SLX4IP: variants seen among roughly 807,000 people sequenced by gnomAD.
SLX4IP encodes SLX4 interacting protein.
Under a neutral mutation model 32.9 loss-of-function variants are expected in SLX4IP, and 34 were observed. That is an observed-to-expected ratio of 1.03 (90% confidence interval 0.79 to 1.38). The LOEUF (loss-of-function observed/expected upper bound fraction) is 1.38, where lower values mean the gene tolerates loss of function less well. Among genes scored for constraint, SLX4IP ranks in the 40% most tolerant of loss-of-function variants. The pLI, the probability that SLX4IP is intolerant of heterozygous loss-of-function variation, is 0.00. For synonymous variants in SLX4IP, 172 were observed against 171.7 expected, an observed-to-expected ratio of 1.00 and a Z score of -0.01; for missense variants, 444 against 479.0, an observed-to-expected ratio of 0.93 and a Z score of 0.68.
At chr20:10,509,813 C>G (rs2065791092) in intron 2 of SLX4IP, among the ~76,000 whole-genome samples, 1 of 152,054 alleles carries the variant, frequency 6.6e-6, no homozygotes, top group Non-Finnish European at 1.5e-5. Flanking sequence ...TTCGGCTTTC[C>G]CAGTATCTGG....
At chr20:10,613,428 A>T in intron 6 of SLX4IP, 1 of 1,586,578 alleles carries the variant, frequency 6.3e-7, no homozygotes, top group Admixed American at 1.7e-5. Flanking sequence ...TTGAAGAGAA[A>T]AATTCCATTA....
intron 5 of SLX4IP, among the ~76,000 whole-genome samples, chr20:10,599,079 T>C (rs1364966934): frequency 6.6e-6 from 1 of 152,170 alleles, no homozygotes; most frequent in African/African-American, 2.4e-5. Flanking sequence ...ATGGAGCAGG[T>C]GTGTACACAA....
intron 2 of SLX4IP, among the ~76,000 whole-genome samples, chr20:10,463,428 G>C (rs1435927128): frequency 1.3e-5 from 2 of 152,176 alleles, no homozygotes; most frequent in Non-Finnish European, 2.9e-5. Flanking sequence ...ATTGAGAGGA[G>C]GAGGGGAGGA....
chr20:10,491,576 A>G (rs2065624485), intron 2 of SLX4IP, among the ~76,000 whole-genome samples: 1 of 152,184 alleles, frequency 6.6e-6, no homozygotes, highest in African/African-American at 2.4e-5. Context: ...TTTTCCCCAA[A>G]GCATGGTGCA....
chr20:10,521,099 ACT>A (rs1224000512), intron 2 of SLX4IP, among the ~76,000 whole-genome samples: 1 of 152,166 alleles, frequency 6.6e-6, no homozygotes. Flanking sequence ...CAGGCAGTGT[ACT>A]CTGATTACCT....
In SLX4IP at chr20:10,598,717, T is replaced by G. The variant is rs749104603; in HGVS notation, c.281T>G (p.Ile94Arg). ...ACAGCCTATTTCCTCAAGAGAGGGA[T>G]ACGCCTTCGCTGCATCAGGAGCACA... ...QITAYFLKRG[I>R]RLRCIRSTQN... The change falls in exon 5 of 8, where the codon ATA becomes AGA. Residue 94 changes from isoleucine (I) to arginine (R), a missense_variant. Transcript: ENST00000334534. The G allele has an allele frequency of 6.2e-7, 1 of 1,614,074 alleles. No individual in the cohort carries two copies. Among genetic ancestry groups the G allele is most frequent in the Non-Finnish European group, 8.5e-7 (1 of 1,180,016 alleles).
At chr20:10,522,209 G>A (rs577914796) in intron 2 of SLX4IP, among the ~76,000 whole-genome samples, 10 of 152,258 alleles carry the variant, frequency 6.6e-5, no homozygotes, top group South Asian at 4.2e-4. Flanking sequence ...GAAAATGCAC[G>A]TTGTGTTGCA....
intron 4 of SLX4IP, among the ~76,000 whole-genome samples, chr20:10,596,448 C>T (rs994891811): frequency 5.9e-5 from 9 of 151,914 alleles, no homozygotes; most frequent in South Asian, 2.1e-4. Flanking sequence ...AGGCTGGTCT[C>T]GAGCTCCTGG....
At chr20:10,579,381 G>A (rs905536070) in intron 4 of SLX4IP, among the ~76,000 whole-genome samples, 3 of 151,550 alleles carry the variant, frequency 2.0e-5, no homozygotes, top group Non-Finnish European at 3.0e-5. Flanking sequence ...AAATGTGAGT[G>A]TTTATTTCTG....
chr20:10,583,162 A>C (rs1329109937), intron 4 of SLX4IP, among the ~76,000 whole-genome samples: 1 of 152,194 alleles, frequency 6.6e-6, no homozygotes. Flanking sequence ...CTGCTCCCCC[A>C]ACTATTTTAA....
intron 2 of SLX4IP, among the ~76,000 whole-genome samples, chr20:10,543,769 A>T (rs979834747): frequency 6.6e-6 from 1 of 152,222 alleles, no homozygotes; most frequent in Non-Finnish European, 1.5e-5. Flanking sequence ...ACCGTGACAG[A>T]AGCTGTTTTA....
chr20:10,438,153 G>A (rs6074138), intron 1 of SLX4IP, among the ~76,000 whole-genome samples: 96,319 of 151,944 alleles, frequency 0.63, 30,712 homozygotes, highest in Non-Finnish European at 0.66. Flanking sequence ...GTGACTTTTC[G>A]GGATATGAAC....
At chr20:10,601,004 A>C (rs1415048319) in intron 5 of SLX4IP, among the ~76,000 whole-genome samples, 1 of 152,168 alleles carries the variant, frequency 6.6e-6, no homozygotes, top group Non-Finnish European at 1.5e-5. Context: ...AAAAGGAAAG[A>C]TCCAGATGTC....
intron 2 of SLX4IP, among the ~76,000 whole-genome samples, chr20:10,536,462 CAGTCGCCTGTT>C (rs1284742439): frequency 1.3e-5 from 2 of 152,248 alleles, no homozygotes; most frequent in Non-Finnish European, 2.9e-5. Flanking sequence ...TTTGATCTCT[CAGTCGCCTGTT>C]AGTTCATCCA....
At chr20:10,562,421 C>G (rs913393426) in intron 4 of SLX4IP, among the ~76,000 whole-genome samples, 1 of 152,178 alleles carries the variant, frequency 6.6e-6, no homozygotes, top group African/African-American at 2.4e-5. Flanking sequence ...TCCCGCTGTC[C>G]ATGGCCTGCC....
intron 2 of SLX4IP, among the ~76,000 whole-genome samples, chr20:10,505,858 C>G (rs922766572): frequency 6.6e-6 from 1 of 151,726 alleles, no homozygotes; most frequent in African/African-American, 2.4e-5. Flanking sequence ...TCTAACCTGC[C>G]CATTTATGAG....
intron 2 of SLX4IP, among the ~76,000 whole-genome samples, chr20:10,477,094 C>A (rs2065481031): frequency 6.6e-6 from 1 of 152,144 alleles, no homozygotes. Context: ...CAAGAGCAGA[C>A]ACAGGTTTTT....
intron 1 of SLX4IP, among the ~76,000 whole-genome samples, chr20:10,438,604 A>G (rs575275195): frequency 8.6e-5 from 13 of 151,404 alleles, no homozygotes; most frequent in African/African-American, 3.2e-4. Flanking sequence ...CAGCCTTCCA[A>G]GTAGCTGGGA....
chr20:10,468,474 G>C (rs532809511), intron 2 of SLX4IP, among the ~76,000 whole-genome samples: 54 of 152,310 alleles, frequency 3.5e-4, no homozygotes, highest in Non-Finnish European at 6.3e-4. Flanking sequence ...AAGGCATTCT[G>C]ATAATTACTC....
Sources: gnomAD v4.1 joint callset for allele counts (sites outside exome capture counted in the v4.1 genomes callset) on GRCh38, gnomAD v4.1.1 for gene constraint, MANE v1.5 for transcripts, NCBI Gene and HGNC (gene_info 2026-07-23, HGNC 2026-07-21) for gene names.